The following ENTREP2 variants were observed in gnomAD, a reference collection of about 807,000 sequenced individuals.
ENTREP2 encodes the protein protein ENTREP2.
the ENTREP2 span, among the ~76,000 whole-genome samples, chr15:29,657,073 A>C: frequency 3.3e-5 from 5 of 152,124 alleles, no homozygotes; most frequent in African/African-American, 1.2e-4. Flanking sequence ...TTTGAGACCG[A>C]GTCTCCCGCT....
At chr15:29,411,225 T>G in the ENTREP2 span, among the ~76,000 whole-genome samples, 24 of 152,360 alleles carry the variant, frequency 1.6e-4, no homozygotes, top group Admixed American at 1.4e-3. Flanking sequence ...TGAGTAGAAC[T>G]GCAGGTCACG....
the ENTREP2 span, among the ~76,000 whole-genome samples, chr15:29,442,042 T>C: frequency 6.6e-6 from 1 of 152,196 alleles, no homozygotes; most frequent in South Asian, 2.1e-4. Context: ...CCAGCATCTA[T>C]GCTCCTTGTT....
the ENTREP2 span, among the ~76,000 whole-genome samples, chr15:29,303,055 G>A: frequency 2.0e-5 from 3 of 152,084 alleles, no homozygotes; most frequent in East Asian, 1.9e-4. Flanking sequence ...GCTTCTACTC[G>A]GAGCCACTTT....
the ENTREP2 span, among the ~76,000 whole-genome samples, chr15:29,176,853 C>G: frequency 6.6e-6 from 1 of 152,212 alleles, no homozygotes; most frequent in Admixed American, 6.5e-5. Context: ...TTATCTCTGC[C>G]CAGGTTGGTG....
At chr15:29,322,211 C>T in the ENTREP2 span, among the ~76,000 whole-genome samples, 1 of 151,992 alleles carries the variant, frequency 6.6e-6, no homozygotes, top group Non-Finnish European at 1.5e-5. Context: ...AATACGCATA[C>T]ATTGTTGAGG....
chr15:29,474,808 C>T, the ENTREP2 span, among the ~76,000 whole-genome samples: 1 of 152,144 alleles, frequency 6.6e-6, no homozygotes, highest in Non-Finnish European at 1.5e-5. Context: ...ACTCGCGCCT[C>T]AGCCTCCCGA....
chr15:29,348,055 C>T, the ENTREP2 span, among the ~76,000 whole-genome samples: 1 of 152,112 alleles, frequency 6.6e-6, no homozygotes, highest in East Asian at 1.9e-4. Context: ...GGTGGGCGAG[C>T]TTACCAGAGT....
the ENTREP2 span, among the ~76,000 whole-genome samples, chr15:29,336,241 G>A: frequency 1.3e-5 from 2 of 151,836 alleles, no homozygotes; most frequent in South Asian, 4.2e-4. Flanking sequence ...ATAATTGGAT[G>A]CGTGGCCTCT....
the ENTREP2 span, among the ~76,000 whole-genome samples, chr15:29,578,969 A>G: frequency 6.6e-6 from 1 of 152,202 alleles, no homozygotes; most frequent in Non-Finnish European, 1.5e-5. Flanking sequence ...AGGTTATTAG[A>G]AACCTATGCA....
the ENTREP2 span, among the ~76,000 whole-genome samples, chr15:29,273,236 T>C: frequency 4.7e-5 from 7 of 150,400 alleles, no homozygotes; most frequent in African/African-American, 2.5e-5. Context: ...TTGCGCTCTG[T>C]CGCCCAGGCT....
chr15:29,647,586 G>T, the ENTREP2 span, among the ~76,000 whole-genome samples: 71 of 152,158 alleles, frequency 4.7e-4, no homozygotes, highest in Admixed American at 8.5e-4. Context: ...TAGTCGATAG[G>T]TATTTTCTTT....
chr15:29,619,968 C>T, the ENTREP2 span, among the ~76,000 whole-genome samples: 3 of 152,088 alleles, frequency 2.0e-5, no homozygotes, highest in South Asian at 6.2e-4. Context: ...CCAGCTTTCC[C>T]GCATCTCAGT....
chr15:29,168,470 G>A, the ENTREP2 span, among the ~76,000 whole-genome samples: 4,712 of 152,188 alleles, frequency 0.031, 248 homozygotes, highest in African/African-American at 0.11. Flanking sequence ...AATTTTCCAC[G>A]AAATTTCTAG....
the ENTREP2 span, among the ~76,000 whole-genome samples, chr15:29,525,793 C>G: frequency 6.6e-6 from 1 of 152,124 alleles, no homozygotes; most frequent in East Asian, 1.9e-4. Context: ...GGTCTCTAAC[C>G]TGATTTTGGT....
the ENTREP2 span, among the ~76,000 whole-genome samples, chr15:29,565,954 C>T: frequency 6.8e-6 from 1 of 148,074 alleles, no homozygotes; most frequent in Non-Finnish European, 1.5e-5. Context: ...GAGCAAGGCT[C>T]TGTCTCAAAA....
chr15:29,342,582 G>C, the ENTREP2 span, among the ~76,000 whole-genome samples: 20 of 152,106 alleles, frequency 1.3e-4, no homozygotes, highest in Admixed American at 9.8e-4. Flanking sequence ...GGTTGGGGGG[G>C]CATTTTACAC....
chr15:29,131,749 C>T, the ENTREP2 span, among the ~76,000 whole-genome samples: 5 of 139,158 alleles, frequency 3.6e-5, no homozygotes, highest in South Asian at 8.2e-4. Flanking sequence ...GAGAGTGCCA[C>T]GACAGGGGGA....
chr15:29,292,043 T>C, the ENTREP2 span, among the ~76,000 whole-genome samples: 1 of 152,238 alleles, frequency 6.6e-6, no homozygotes, highest in African/African-American at 2.4e-5. Flanking sequence ...GATTTTCTAC[T>C]AGTGGACACT....
At chr15:29,560,144 G>T in the ENTREP2 span, among the ~76,000 whole-genome samples, 1 of 152,166 alleles carries the variant, frequency 6.6e-6, no homozygotes. Context: ...CTGTATTTTT[G>T]AAGAAGAATC....
Sources: gnomAD v4.1 joint callset for allele counts (sites outside exome capture counted in the v4.1 genomes callset) on GRCh38, gnomAD v4.1.1 for gene constraint, MANE v1.5 for transcripts, NCBI Gene and HGNC (gene_info 2026-07-23, HGNC 2026-07-21) for gene names.